The following SLC8B1 variants were observed in gnomAD, a reference collection of about 807,000 sequenced individuals.
SLC8B1 encodes the protein mitochondrial sodium/calcium exchanger protein.
SLC8B1 carries 52 observed loss-of-function variants against 63.4 expected under a neutral mutation model. The ratio of observed to expected loss-of-function variants is 0.82; its 90% CI spans 0.66 to 1.03. SLC8B1 has a LOEUF of 1.03. Among genes scored for constraint, SLC8B1 ranks in the 50% least tolerant of loss-of-function variants. The pLI, the probability that SLC8B1 is intolerant of heterozygous loss-of-function variation, is 0.00. For missense variants in SLC8B1, 657 were observed against 741.7 expected, an observed-to-expected ratio of 0.89 and a Z score of 1.33; for synonymous variants, 336 against 323.9, an observed-to-expected ratio of 1.04 and a Z score of -0.40.
At chr12:113,333,979 GA>G in intron 1 of SLC8B1, among the ~76,000 whole-genome samples, 1 of 152,224 alleles carries the variant, frequency 6.6e-6, no homozygotes, top group East Asian at 1.9e-4. Context: ...AAAGTGCTGG[GA>G]CTACAGGCGT....
chr12:113,303,036 TC>T (rs1201349654), intron 15 of SLC8B1, among the ~76,000 whole-genome samples: 1 of 145,528 alleles, frequency 6.9e-6, no homozygotes, highest in African/African-American at 2.6e-5. Context: ...TTTCCTAAAC[TC>T]AGCACAAAGG....
At chr12:113,301,852 G>T (rs1357195590) in intron 15 of SLC8B1, among the ~76,000 whole-genome samples, 1 of 152,200 alleles carries the variant, frequency 6.6e-6, no homozygotes, top group Non-Finnish European at 1.5e-5. Flanking sequence ...ACTGGGCCTG[G>T]CACCTCTGCC....
At position 113,334,907 on chromosome 12, in the gene SLC8B1, T is replaced by C. The variant is rs1404619707; in HGVS notation, c.-547A>G. 6.6e-6 allele frequency: 1 copy of C among 152,222 alleles called. No individual in the cohort carries two copies. Among genetic ancestry groups the C allele is most frequent in the Non-Finnish European group, 1.5e-5 (1 of 68,038 alleles). 9.4% of individuals were successfully genotyped at this position (152,222 alleles called of 1,614,324 possible). On this transcript the variant is annotated 5_prime_UTR_variant, in exon 1 of 16. Coordinates refer to ENST00000680972, the MANE Select transcript of SLC8B1 (RefSeq NM_001358345.2). ...AGAGACCTCAGGAACATCTCCGTGCTCCGTTTCCCGTCCGGACGGAGGCTG... is the reference window on the plus strand; with the variant it reads ...AGAGACCTCAGGAACATCTCCGTGCCCCGTTTCCCGTCCGGACGGAGGCTG...
intron 13 of SLC8B1, chr12:113,306,823 G>A (rs187790304): frequency 3.4e-4 from 183 of 539,126 alleles, no homozygotes; most frequent in African/African-American, 3.0e-3. Context: ...GAAAAACGCG[G>A]CTACCAGCTG....
intron 2 of SLC8B1, among the ~76,000 whole-genome samples, chr12:113,331,068 C>G (rs1325533402): frequency 6.6e-6 from 1 of 152,090 alleles, no homozygotes; most frequent in Non-Finnish European, 1.5e-5. Flanking sequence ...TCCCTCAGTG[C>G]TCCCCATTCA....
rs376162227 is a variant in SLC8B1, at chr12:113,299,746, G to A, written c.*31C>T. 1.0e-5 allele frequency: 16 copies of A among 1,607,872 alleles called. No homozygotes were observed. Among genetic ancestry groups the A allele is most frequent in the East Asian group, 2.2e-5 (1 of 44,818 alleles). ...GGCAGGAGGGGCGGGGCTCCTGCCTGCAGTGAGGCCACAGCACTAAGCGGC... is the reference window on the plus strand; with the variant it reads ...GGCAGGAGGGGCGGGGCTCCTGCCTACAGTGAGGCCACAGCACTAAGCGGC... On this transcript the variant is annotated 3_prime_UTR_variant, in exon 16 of 16. Transcript: ENST00000680972.
chr12:113,307,863 G>T lies in SLC8B1; in HGVS notation c.1258-19C>A, dbSNP rs1468618142. ...CAAAGAGCTGCGGAGGGAATGGTTT[G>T]CTGTGGGACCAAGGCCAGCCCCAAC... On this transcript the variant is annotated intron_variant, in intron 12 of 15. Coordinates refer to ENST00000680972, the MANE Select transcript of SLC8B1 (RefSeq NM_001358345.2). The T allele has an allele frequency of 5.0e-6, 8 of 1,608,252 alleles. No individual in the cohort carries two copies. In the East Asian group the frequency reaches 1.8e-4, roughly 36 times the overall value.
At position 113,299,795 on chromosome 12, in the gene SLC8B1, A is replaced by G; in HGVS notation, c.1737T>C (p.Ile579=). Residue 579 remains isoleucine, a synonymous_variant, in exon 16 of 16, where the codon ATT becomes ATC. Coordinates refer to ENST00000680972, the MANE Select transcript of SLC8B1 (RefSeq NM_001358345.2). ...VVALLTEFGV[I]HLKSM is the part of the protein sequence containing the mutation. The stretch of plus-strand genomic sequence containing the variant: ...GCTTCAGTCACATGCTTTTCAGGTG[A>G]ATCACTCCAAATTCAGTGAGGAGGG... 1.9e-6 allele frequency: 3 copies of G among 1,614,172 alleles called. No homozygotes were observed. Among genetic ancestry groups the G allele is most frequent in the Non-Finnish European group, 2.5e-6 (3 of 1,180,030 alleles).
At chr12:113,329,730 A>G (rs1330347574) in intron 2 of SLC8B1, among the ~76,000 whole-genome samples, 1 of 152,130 alleles carries the variant, frequency 6.6e-6, no homozygotes, top group African/African-American at 2.4e-5. Context: ...AGGTGCACAC[A>G]GAGGTCAGGC....
intron 11 of SLC8B1, among the ~76,000 whole-genome samples, chr12:113,314,266 A>T (rs542824360): frequency 1.7e-4 from 26 of 152,242 alleles, no homozygotes; most frequent in Admixed American, 9.8e-4. Flanking sequence ...CGGGGGAGAA[A>T]TTCACAGGGA....
At chr12:113,302,380 C>A in intron 15 of SLC8B1, 1 of 274,438 alleles carries the variant, frequency 3.6e-6, no homozygotes, top group Non-Finnish European at 7.3e-6. Flanking sequence ...TGGCACTGCC[C>A]GGCTGATGCC....
At chr12:113,317,144 G>A in intron 8 of SLC8B1, 143 bp from the exon 9 acceptor site, 1 of 752,482 alleles carries the variant, frequency 1.3e-6, no homozygotes, top group Admixed American at 2.1e-5. Context: ...CTGTCACCCA[G>A]GCTGGAGTGC....
At position 113,313,380 on chromosome 12, in the gene SLC8B1, C is replaced by G. The variant is rs190240421; in HGVS notation, c.1135+1955G>C. Among the ~76,000 whole-genome samples the G allele has an allele frequency of 1.1e-3, 167 of 151,650 alleles. 1 individual carries two copies. The Middle Eastern group carries it at 0.035, about 32-fold the overall frequency. ...GTACAGTAGTGCATGCCTGTAGTCCCAGCTACTCAATGGAGCCCAGAAGTT... is the reference window on the plus strand; with the variant it reads ...GTACAGTAGTGCATGCCTGTAGTCCGAGCTACTCAATGGAGCCCAGAAGTT... On this transcript the variant is annotated intron_variant, in intron 11 of 15. Coordinates refer to ENST00000680972, the MANE Select transcript of SLC8B1 (RefSeq NM_001358345.2).
At chr12:113,325,690 G>A (rs904557101) in intron 2 of SLC8B1, among the ~76,000 whole-genome samples, 25 of 151,378 alleles carry the variant, frequency 1.7e-4, no homozygotes, top group Non-Finnish European at 2.5e-4. Flanking sequence ...TCAGCCTCCC[G>A]AGTAGCTGGG....
rs1282569150 is a variant in SLC8B1, at chr12:113,321,360, CAG to C, written c.157-14_157-13del. The stretch of plus-strand genomic sequence containing the variant: ...CACACCTTGCGGCACTGCAGGAAGA[CAG>C]GGAGGGGGACATCAGCGGCAGAGAC... On this transcript the variant is annotated splice_polypyrimidine_tract_variant and intron_variant, in intron 2 of 15. Transcript: ENST00000680972. 1 of 1,614,138 alleles carries C rather than the reference CAG, an allele frequency of 6.2e-7. No individual in the cohort carries two copies. The highest frequency in any genetic ancestry group is 2.2e-5 in the East Asian group (1 of 44,880).
At chr12:113,316,486 C>T (rs758928434) in intron 10 of SLC8B1, 40 bp downstream of exon 10, 1 of 1,603,604 alleles carries the variant, frequency 6.2e-7, no homozygotes, top group South Asian at 1.1e-5. Flanking sequence ...TGTCTTGCTG[C>T]TGTCAGAAGG....
At chr12:113,326,083 T>C (rs1178362472) in intron 2 of SLC8B1, among the ~76,000 whole-genome samples, 1 of 152,240 alleles carries the variant, frequency 6.6e-6, no homozygotes, top group African/African-American at 2.4e-5. Context: ...CATCTGGTTA[T>C]GCACAGCCTG....
rs1294989096 is a variant in SLC8B1, at chr12:113,310,118, T to TC, written c.1257+115dup. 5 of 1,384,586 alleles carry TC rather than the reference T, an allele frequency of 3.6e-6. No homozygotes were observed. The African/African-American group carries it at 7.3e-5, about 20-fold the overall frequency. 85.8% of individuals were successfully genotyped at this position (1,384,586 alleles called of 1,614,324 possible). On this transcript the variant is annotated intron_variant, in intron 12 of 15. Transcript: ENST00000680972. ...AGCAGCTTTAAAGTTCGGTTACCTG[T>TC]CTTTGTGTGACTCCTGATCAAACTG...
chr12:113,308,570 T>C (rs1438306198), intron 12 of SLC8B1: 1 of 149,788 alleles, frequency 6.7e-6, no homozygotes. Context: ...TCTCTCTGAA[T>C]GTGCCTCGTG....
Sources: allele counts gnomAD v4.1 joint callset (sites outside exome capture counted in the v4.1 genomes callset), GRCh38; gene constraint gnomAD v4.1.1; transcripts MANE v1.5; gene names NCBI Gene and HGNC (gene_info 2026-07-23, HGNC 2026-07-21).